The following DPH6 variants were observed in gnomAD, a reference collection of about 807,000 sequenced individuals.
DPH6 encodes diphthamine biosynthesis 6, also known as diphthine--ammonia ligase.
DPH6 carries 33 observed loss-of-function variants against 38.2 expected under a neutral mutation model. The ratio of observed to expected loss-of-function variants is 0.86; its 90% confidence interval spans 0.65 to 1.15. The LOEUF (loss-of-function observed/expected upper bound fraction) is 1.15. Ranked by LOEUF, DPH6 falls within the 50% of genes most tolerant of loss-of-function variation. DPH6 has a pLI of 0.00. For missense variants in DPH6, 325 were observed against 320.0 expected, an observed-to-expected ratio of 1.02 and a Z score of -0.12; for synonymous variants, 108 against 103.0, an observed-to-expected ratio of 1.05 and a Z score of -0.30.
At chr15:35,317,602 A>G (rs2052204041) in intron 3 of DPH6, among the ~76,000 whole-genome samples, 1 of 151,590 alleles carries the variant, frequency 6.6e-6, no homozygotes, top group Non-Finnish European at 1.5e-5. Flanking sequence ...AAAAAAAAAA[A>G]GAAAAAAAGA....
chr15:35,341,403 T>C (rs1416962252), intron 3 of DPH6, among the ~76,000 whole-genome samples: 3 of 152,222 alleles, frequency 2.0e-5, no homozygotes, highest in Admixed American at 6.6e-5. Context: ...CCCAGTTCTG[T>C]GCCCTTGCTG....
chr15:35,155,488 T>C, the DPH6 span, among the ~76,000 whole-genome samples: 4 of 152,180 alleles, frequency 2.6e-5, no homozygotes, highest in African/African-American at 9.6e-5. Context: ...TGGGACTAGG[T>C]CTTTCAGCTC....
the DPH6 span, among the ~76,000 whole-genome samples, chr15:35,201,652 A>T: frequency 6.6e-6 from 1 of 151,830 alleles, no homozygotes; most frequent in Non-Finnish European, 1.5e-5. Flanking sequence ...TTCTTTCCAG[A>T]CAAGAGTCTC....
chr15:35,311,295 C>T (rs1355993578), intron 3 of DPH6, among the ~76,000 whole-genome samples: 1 of 152,052 alleles, frequency 6.6e-6, no homozygotes, highest in Non-Finnish European at 1.5e-5. Flanking sequence ...CAAAAATGCA[C>T]CCCCTCAGAT....
At chr15:35,511,679 C>T (rs1043774959) in intron 3 of DPH6, among the ~76,000 whole-genome samples, 3 of 151,316 alleles carry the variant, frequency 2.0e-5, no homozygotes, top group Admixed American at 1.3e-4. Context: ...ATATCACTGA[C>T]AAGAAACTAC....
chr15:35,284,352 CT>C (rs941258007), intron 3 of DPH6, among the ~76,000 whole-genome samples: 3 of 152,168 alleles, frequency 2.0e-5, no homozygotes, highest in Admixed American at 6.5e-5. Flanking sequence ...TTAAGTGCTG[CT>C]TTTTTTCCCC....
rs147007303 is a variant in DPH6, at chr15:35,382,620, T to C, written c.568-704A>G. ...TAAGTGGAAGGGAATGAAAACGCTGTGTTTAGTGAATTTCTCAAGGATACA... is the reference window on the plus strand; with the variant it reads ...TAAGTGGAAGGGAATGAAAACGCTGCGTTTAGTGAATTTCTCAAGGATACA... On this transcript the variant is annotated intron_variant, in intron 6 of 8. Transcript: ENST00000256538. Among the ~76,000 whole-genome samples the C allele has an allele frequency of 1.4e-3, 220 of 152,252 alleles. 1 individual carries two copies. The highest frequency in any genetic ancestry group is 5.2e-3 in the African/African-American group (216 of 41,552).
intron 1 of DPH6, among the ~76,000 whole-genome samples, chr15:35,545,429 A>G (rs886791954): frequency 1.3e-5 from 2 of 152,254 alleles, no homozygotes; most frequent in African/African-American, 4.8e-5. Flanking sequence ...GTCACTCTAA[A>G]GCAATGATGA....
At chr15:35,182,887 GA>G in the DPH6 span, among the ~76,000 whole-genome samples, 1 of 152,106 alleles carries the variant, frequency 6.6e-6, no homozygotes, top group Non-Finnish European at 1.5e-5. Flanking sequence ...CCATTCAGAG[GA>G]TCAATGAAGC....
chr15:35,328,304 T>G (rs987613673), downstream of DPH6, among the ~76,000 whole-genome samples: 1 of 152,144 alleles, frequency 6.6e-6, no homozygotes, highest in Non-Finnish European at 1.5e-5. Flanking sequence ...GGTAACCCCT[T>G]TGACACCTGG....
chr15:35,544,529 ATCT>A (rs936631358), intron 1 of DPH6, among the ~76,000 whole-genome samples: 98 of 152,232 alleles, frequency 6.4e-4, no homozygotes, highest in African/African-American at 2.3e-3. Flanking sequence ...AAGGAAAATA[ATCT>A]TCTTAGAAAG....
intron 3 of DPH6, among the ~76,000 whole-genome samples, chr15:35,312,010 G>GAA (rs10573455): frequency 1.3e-4 from 13 of 102,122 alleles, no homozygotes; most frequent in African/African-American, 2.5e-4. Flanking sequence ...TTAAGAAAAT[G>GAA]AAAAAAAAAA....
Position 35,467,453 on chromosome 15 carries a change from C to T in DPH6, c.313-12633G>A, listed in dbSNP as rs1595389891. 2.0e-5 allele frequency among the ~76,000 whole-genome samples: 3 copies of T among 152,156 alleles called. No individual in the cohort carries two copies. In the East Asian group the frequency reaches 5.8e-4, roughly 29 times the overall value. On this transcript the variant is annotated intron_variant, in intron 3 of 8. Transcript: ENST00000256538. Reference sequence around the variant, plus strand: ...TGGTGGTGCGCACCTGTAATCCCAGCTACACAGGAGGTTGAGGCAGGAGAA... The same window carrying T: ...TGGTGGTGCGCACCTGTAATCCCAGTTACACAGGAGGTTGAGGCAGGAGAA...
At chr15:35,427,941 T>C (rs11857002) in intron 5 of DPH6, among the ~76,000 whole-genome samples, 51,052 of 150,878 alleles carry the variant, frequency 0.34, 10,122 homozygotes, top group African/African-American at 0.56. Context: ...AAAGAAAAAA[T>C]ACACAAAAAA....
At chr15:35,280,319 A>C (rs1428020011) in intron 3 of DPH6, among the ~76,000 whole-genome samples, 1 of 152,236 alleles carries the variant, frequency 6.6e-6, no homozygotes, top group Non-Finnish European at 1.5e-5. Context: ...AAACAACATT[A>C]GTAGGCTTCT....
At chr15:35,382,238 A>G (rs531193183) in intron 6 of DPH6, among the ~76,000 whole-genome samples, 1 of 151,990 alleles carries the variant, frequency 6.6e-6, no homozygotes, top group East Asian at 1.9e-4. Context: ...GATCGAGACC[A>G]TCCTGGCTAA....
intron 3 of DPH6, among the ~76,000 whole-genome samples, chr15:35,267,008 T>C (rs1324992491): frequency 1.3e-5 from 2 of 152,152 alleles, no homozygotes; most frequent in East Asian, 1.9e-4. Context: ...TGGGCAGCAA[T>C]AGTAGAGTTC....
chr15:35,541,255 A>C (rs966105875), intron 2 of DPH6, among the ~76,000 whole-genome samples: 1 of 152,130 alleles, frequency 6.6e-6, no homozygotes, highest in Non-Finnish European at 1.5e-5. Flanking sequence ...TAATCACAGA[A>C]GGAAAGAAGA....
At chr15:35,352,643 G>C (rs1335241440) in intron 3 of DPH6, among the ~76,000 whole-genome samples, 2 of 152,148 alleles carry the variant, frequency 1.3e-5, no homozygotes, top group East Asian at 1.9e-4. Flanking sequence ...GTATTCCATG[G>C]TGTATATGTG....
Sources: allele counts gnomAD v4.1 joint callset (sites outside exome capture counted in the v4.1 genomes callset), GRCh38; gene constraint gnomAD v4.1.1; transcripts MANE v1.5; gene names NCBI Gene and HGNC (gene_info 2026-07-23, HGNC 2026-07-21).